ANXA11: variants seen among roughly 807,000 people sequenced by gnomAD.
The protein encoded by ANXA11 is annexin A11.
In ANXA11, 57 loss-of-function variants were observed where a neutral mutation model predicts 64.7. The ratio of observed to expected loss-of-function variants is 0.88; its 90% CI spans 0.71 to 1.10. The LOEUF (loss-of-function observed/expected upper bound fraction) is 1.10, where lower values mean the gene tolerates loss of function less well. ANXA11 is among the 50% of genes least tolerant of loss of function. The pLI is 0.00. For synonymous variants in ANXA11, 260 were observed against 265.2 expected, an observed-to-expected ratio of 0.98 and a Z score of 0.19; for missense variants, 675 against 670.7, an observed-to-expected ratio of 1.01 and a Z score of -0.07.
At chr10:80,183,856 A>G (rs1347325962) in intron 1 of ANXA11, among the ~76,000 whole-genome samples, 1 of 152,224 alleles carries the variant, frequency 6.6e-6, no homozygotes, top group African/African-American at 2.4e-5. Flanking sequence ...AACTATGAAG[A>G]CGAGGGAAGG....
In ANXA11 at chr10:80,150,948, C is replaced by T. The variant is rs529685630; in HGVS notation, c.*4905G>A. The T allele has an allele frequency of 2.8e-4, 42 of 152,244 alleles. 1 individual carries two copies. Among genetic ancestry groups the T allele is most frequent in the African/African-American group, 7.7e-4 (32 of 41,538 alleles). The allele number at this position is 152,244 out of a possible 1,614,324, so 9.4% of individuals were successfully genotyped here. ...ACCTGATTGCTGTAAACTTTCAATT[C>T]GTTTCCAGAGTTCCCATAAATTTGA... On this transcript the variant is annotated 3_prime_UTR_variant, in exon 16 of 16. Transcript: ENST00000422982.
At chr10:80,202,650 C>A (rs151237016) in intron 1 of ANXA11, among the ~76,000 whole-genome samples, 1 of 152,294 alleles carries the variant, frequency 6.6e-6, no homozygotes, top group East Asian at 1.9e-4. Context: ...GAAAAGTCTA[C>A]TTCCTTGGCA....
chr10:80,176,616 G>A (rs536778872), intron 1 of ANXA11, among the ~76,000 whole-genome samples: 5 of 151,776 alleles, frequency 3.3e-5, no homozygotes, highest in African/African-American at 7.2e-5. Context: ...GAGGCTAGCC[G>A]TCTGGCCCCC....
At chr10:80,166,822 G>T in intron 7 of ANXA11, 68 bp downstream of exon 7, 1 of 1,236,842 alleles carries the variant, frequency 8.1e-7, no homozygotes, top group Non-Finnish European at 1.2e-6. Flanking sequence ...AGGAAAAGCA[G>T]GGGAGAGCAG....
chr10:80,157,452 G>T (rs1444866329), intron 15 of ANXA11, 189 bp downstream of exon 15: 13 of 985,248 alleles, frequency 1.3e-5, no homozygotes, highest in Non-Finnish European at 1.4e-5. Context: ...CGACAGCAAG[G>T]TCATGATCCA....
intron 1 of ANXA11, among the ~76,000 whole-genome samples, chr10:80,183,893 A>T (rs1370563931): frequency 1.3e-5 from 2 of 152,186 alleles, no homozygotes; most frequent in Non-Finnish European, 2.9e-5. Context: ...TCTGCCCCAC[A>T]CACCCCTTCA....
intron 1 of ANXA11, among the ~76,000 whole-genome samples, chr10:80,191,791 G>A (rs573368632): frequency 5.9e-5 from 9 of 152,306 alleles, no homozygotes; most frequent in African/African-American, 2.2e-4. Flanking sequence ...TGCACAGGCA[G>A]GGCCATCACA....
At position 80,169,017 on chromosome 10, in the gene ANXA11, T is replaced by C; in HGVS notation, c.513A>G (p.Pro171=). ...PGQQQPVPSY[P]GYPGSGTVTP... ...TGACAGTCCCAGACCCCGGGTATCC[T>C]GGGTAGCTCGGCACTGGCTGCTGCT... Residue 171 remains proline, a synonymous_variant, in exon 5 of 16, where the codon CCA becomes CCG. Coordinates refer to ENST00000422982, the MANE Select transcript of ANXA11 (RefSeq NM_145868.2). 6.5e-7 allele frequency: 1 copy of C among 1,548,348 alleles called. No homozygotes were observed. Among genetic ancestry groups the C allele is most frequent in the Non-Finnish European group, 8.7e-7 (1 of 1,153,194 alleles).
At chr10:80,180,577 G>A (rs1035310285) in intron 1 of ANXA11, among the ~76,000 whole-genome samples, 4 of 151,886 alleles carry the variant, frequency 2.6e-5, no homozygotes, top group Admixed American at 1.3e-4. Flanking sequence ...TACAGTGGAT[G>A]CTTTCATGGA....
chr10:80,188,050 C>T (rs1846614034), intron 1 of ANXA11, among the ~76,000 whole-genome samples: 1 of 152,100 alleles, frequency 6.6e-6, no homozygotes, highest in African/African-American at 2.4e-5. Flanking sequence ...AGCTCCAAGA[C>T]ACTGGGCCTG....
chr10:80,187,642 G>A (rs929821278), intron 1 of ANXA11, among the ~76,000 whole-genome samples: 2 of 151,056 alleles, frequency 1.3e-5, no homozygotes, highest in African/African-American at 4.8e-5. Flanking sequence ...TGGCAGGGGC[G>A]GGGAGGAGAC....
At chr10:80,169,420 C>G in intron 4 of ANXA11, 62 bp from the exon 5 acceptor site, 4 of 1,575,488 alleles carry the variant, frequency 2.5e-6, no homozygotes, top group Non-Finnish European at 3.4e-6. Context: ...TCCCTCCACC[C>G]TTTTTCATAC....
At chr10:80,179,487 T>C (rs1375751844) in intron 1 of ANXA11, among the ~76,000 whole-genome samples, 33 of 152,208 alleles carry the variant, frequency 2.2e-4, no homozygotes, top group Non-Finnish European at 4.4e-5. Context: ...TTCTTCACAA[T>C]AGTAAGCTCT....
chr10:80,193,163 C>G (rs1846843655), intron 1 of ANXA11, among the ~76,000 whole-genome samples: 1 of 152,178 alleles, frequency 6.6e-6, no homozygotes, highest in South Asian at 2.1e-4. Context: ...GATTGTACTC[C>G]TAATGTGTGA....
At chr10:80,167,039 G>A in intron 6 of ANXA11, 55 bp from the exon 7 acceptor site, 3 of 1,425,678 alleles carry the variant, frequency 2.1e-6, no homozygotes, top group Non-Finnish European at 2.9e-6. Context: ...ATGCTCTGCA[G>A]CTGAGACTTC....
Position 80,164,133 on chromosome 10 carries a change from G to C in ANXA11, c.869C>G (p.Thr290Ser), listed in dbSNP as rs878885152. 3.7e-6 allele frequency: 6 copies of C among 1,613,922 alleles called. No individual in the cohort carries two copies. The South Asian group carries it at 4.4e-5, about 12-fold the overall frequency. ...EIKEAIKGVG[T>S]DEACLIEILA... Reference sequence around the variant, plus strand: ...GATCTCAATCAGGCAGGCTTCATCAGTGCCAACCCCCTGCAGGGGCAGAGA... The same window carrying C: ...GATCTCAATCAGGCAGGCTTCATCACTGCCAACCCCCTGCAGGGGCAGAGA... Residue 290 changes from threonine (T) to serine (S), a missense_variant, in exon 9 of 16, where the codon ACT becomes AGT. Transcript: ENST00000422982.
intron 1 of ANXA11, among the ~76,000 whole-genome samples, chr10:80,176,513 T>A (rs1371228655): frequency 2.0e-5 from 3 of 152,202 alleles, no homozygotes; most frequent in East Asian, 3.8e-4. Flanking sequence ...CCGGTTTAGA[T>A]CTGTTCCCTG....
chr10:80,159,149 G>A lies in ANXA11; in HGVS notation c.1227C>T (p.Ser409=). 6.2e-7 allele frequency: 1 copy of A among 1,614,104 alleles called. No individual in the cohort carries two copies. The highest frequency in any genetic ancestry group is 8.5e-7 in the Non-Finnish European group (1 of 1,180,000). ...GGTCCCCGGACATCTCCCGGCAGAT[G>A]CTCTTCTCAATGTCCCGGCCTGTCA... ...QRMTGRDIEK[S]ICREMSGDLE... is the part of the protein sequence containing the mutation. The change falls in exon 13 of 16, where the codon AGC becomes AGT. Residue 409 remains serine (S), a synonymous_variant. Coordinates refer to ENST00000422982, the MANE Select transcript of ANXA11 (RefSeq NM_145868.2).
At position 80,169,068 on chromosome 10, in the gene ANXA11, ACCAGGGTAGGTCACTGGTGGCTGC is replaced by A. The variant is rs929294311; in HGVS notation, c.438_461del (p.Thr151_Val158del). On this transcript the variant is annotated inframe_deletion, in exon 5 of 16. Coordinates refer to ENST00000422982, the MANE Select transcript of ANXA11 (RefSeq NM_145868.2). ...GCCCAGGGAGTGGCACTGGAGGCTG[ACCAGGGTAGGTCACTGGTGGCTGC>A]CCAGGGTAGGCCCCTGGGGGCTGCT... The A allele has an allele frequency of 7.1e-6, 11 of 1,538,542 alleles. No individual in the cohort carries two copies. In the Admixed American group the frequency reaches 1.3e-4, roughly 18 times the overall value.
Sources: allele counts gnomAD v4.1 joint callset (sites outside exome capture counted in the v4.1 genomes callset), GRCh38; gene constraint gnomAD v4.1.1; transcripts MANE v1.5; gene names NCBI Gene and HGNC (gene_info 2026-07-23, HGNC 2026-07-21).